The following LUC7L2 variants were observed in gnomAD, a reference collection of about 807,000 sequenced individuals.
LUC7L2 encodes the protein putative RNA-binding protein Luc7-like 2.
In LUC7L2, 25 loss-of-function variants were observed where a neutral mutation model predicts 52.8. The observed-to-expected ratio is 0.47, with a 90% confidence interval of 0.34 to 0.66. LUC7L2 has a LOEUF of 0.66. LUC7L2 is among the 30% of genes least tolerant of loss of function. The probability of loss-of-function intolerance (pLI) is 0.01; values close to 1 mark genes in which losing one functional copy is unlikely to be tolerated. For synonymous variants in LUC7L2, 144 were observed against 160.9 expected, an observed-to-expected ratio of 0.89 and a Z score of 0.80; for missense variants, 328 against 497.8, an observed-to-expected ratio of 0.66 and a Z score of 3.25.
intron 1 of LUC7L2, chr7:139,345,685 G>A: frequency 6.2e-7 from 1 of 1,614,136 alleles, no homozygotes; most frequent in Non-Finnish European, 8.5e-7. Flanking sequence ...CAGCCTGGAG[G>A]GAAGGGCTGG....
chr7:139,395,443 T>C (rs1301954882), intron 2 of LUC7L2, among the ~76,000 whole-genome samples: 1 of 152,168 alleles, frequency 6.6e-6, no homozygotes, highest in African/African-American at 2.4e-5. Context: ...GGGGTAAGGA[T>C]TGGAGCCTGG....
Position 139,376,171 on chromosome 7 carries a change from A to G in LUC7L2, c.156+15A>G, listed in dbSNP as rs1800698334. On this transcript the variant is annotated intron_variant, in intron 2 of 9. Coordinates refer to ENST00000354926, the MANE Select transcript of LUC7L2 (RefSeq NM_016019.5). ...TTTCTGGAACTGTATGTATTTACTA[A>G]ATGTATTGTTAGATTACTGATATGC... is the stretch of plus-strand genomic sequence containing the variant. The G allele has an allele frequency of 5.0e-6, 8 of 1,612,810 alleles. No homozygotes were observed. The East Asian group carries it at 1.8e-4, about 36-fold the overall frequency.
intron 2 of LUC7L2, among the ~76,000 whole-genome samples, chr7:139,382,701 T>TC (rs1345386909): frequency 2.0e-5 from 3 of 152,162 alleles, no homozygotes; most frequent in South Asian, 2.1e-4. Flanking sequence ...CCTAAAGTAA[T>TC]TAAAGTAAAA....
Position 139,422,544 on chromosome 7 carries a change from A to G in LUC7L2, c.*204A>G. On this transcript the variant is annotated 3_prime_UTR_variant, in exon 10 of 10. Transcript: ENST00000354926. ...CATCCATAGTTTCTGGTGAACCTGT[A>G]ATACAGTTCTGAAAGTACAGTTTTA... is the stretch of plus-strand genomic sequence containing the variant. 1 of 1,091,820 alleles carries G rather than the reference A, an allele frequency of 9.2e-7. No individual in the cohort carries two copies. The highest frequency in any genetic ancestry group is 1.2e-6 in the Non-Finnish European group (1 of 842,934). The allele number at this position is 1,091,820 out of a possible 1,614,324, so 67.6% of individuals were successfully genotyped here.
chr7:139,413,801 A>C (rs925649565), intron 8 of LUC7L2, among the ~76,000 whole-genome samples: 1 of 152,156 alleles, frequency 6.6e-6, no homozygotes, highest in Admixed American at 6.5e-5. Flanking sequence ...AAAACCTTAC[A>C]GTTCTGTTAG....
intron 5 of LUC7L2, 125 bp downstream of exon 5, chr7:139,405,912 C>A (rs1048769044): frequency 8.7e-5 from 116 of 1,340,996 alleles, no homozygotes; most frequent in Non-Finnish European, 1.1e-4. Flanking sequence ...AATTATTGAA[C>A]AGTTGTTAAA....
chr7:139,359,984 G>A lies in LUC7L2; in HGVS notation c.-278G>A. ...GCGGGTGGCGGTGTTGAAGGCGAGA[G>A]CTTGCTTGGCCCGTGTCGCTTCTGT... is the stretch of plus-strand genomic sequence containing the variant. On this transcript the variant is annotated 5_prime_UTR_variant, in exon 1 of 10. Coordinates refer to ENST00000354926, the MANE Select transcript of LUC7L2 (RefSeq NM_016019.5). The A allele has an allele frequency of 2.3e-6, 1 of 432,264 alleles. No individual in the cohort carries two copies. The allele number at this position is 432,264 out of a possible 1,614,324, so 26.8% of individuals were successfully genotyped here. A position where few individuals can be genotyped will look rare whatever the true frequency, so the allele number is the denominator to read the frequency against.
At chr7:139,386,233 C>G (rs1794185172) in intron 2 of LUC7L2, among the ~76,000 whole-genome samples, 1 of 151,882 alleles carries the variant, frequency 6.6e-6, no homozygotes, top group Non-Finnish European at 1.5e-5. Context: ...AACTCCTGGC[C>G]TCACGTAATC....
chr7:139,341,820 A>G (rs991192469), intron 1 of LUC7L2, among the ~76,000 whole-genome samples: 3 of 152,194 alleles, frequency 2.0e-5, no homozygotes, highest in Non-Finnish European at 4.4e-5. Flanking sequence ...TGCGGAGGGC[A>G]GTCAGGAAAG....
At chr7:139,344,564 C>A (rs1289480917) in intron 1 of LUC7L2, among the ~76,000 whole-genome samples, 1 of 151,854 alleles carries the variant, frequency 6.6e-6, no homozygotes, top group East Asian at 1.9e-4. Context: ...GATGCAGAAC[C>A]CATGGATATG....
chr7:139,378,963 AT>A (rs1800850991), intron 2 of LUC7L2, among the ~76,000 whole-genome samples: 1 of 152,160 alleles, frequency 6.6e-6, no homozygotes, highest in South Asian at 2.1e-4. Flanking sequence ...TTAACTGTTG[AT>A]TTTATGATGC....
intron 5 of LUC7L2, 55 bp downstream of exon 5, chr7:139,405,842 A>C: frequency 6.6e-7 from 1 of 1,524,978 alleles, no homozygotes; most frequent in Non-Finnish European, 8.8e-7. Flanking sequence ...GACTACAAAT[A>C]AAAAGTAGTA....
At chr7:139,412,286 G>T (rs914971682) in intron 7 of LUC7L2, among the ~76,000 whole-genome samples, 2 of 151,388 alleles carry the variant, frequency 1.3e-5, no homozygotes, top group Admixed American at 1.3e-4. Context: ...GCGTTTCGGA[G>T]AAGGAGTACT....
intron 1 of LUC7L2, among the ~76,000 whole-genome samples, chr7:139,351,226 A>C (rs1298629854): frequency 1.3e-5 from 2 of 151,876 alleles, no homozygotes; most frequent in African/African-American, 4.8e-5. Flanking sequence ...CACTTAGATA[A>C]CTCAGTTATC....
Position 139,412,596 on chromosome 7 carries a change from A to T in LUC7L2, c.809+16A>T. 1.9e-6 allele frequency: 3 copies of T among 1,602,276 alleles called. No individual in the cohort carries two copies. The highest frequency in any genetic ancestry group is 2.6e-6 in the Non-Finnish European group (3 of 1,176,108). ...ATCCAAAAAGGTAGGTGTATTACAT[A>T]AGACAGGTATAAGTAGTGAAGTTGT... On this transcript the variant is annotated intron_variant, in intron 8 of 9. Transcript: ENST00000354926.
intron 8 of LUC7L2, chr7:139,416,718 A>C (rs1795639525): frequency 6.6e-6 from 1 of 152,132 alleles, no homozygotes; most frequent in South Asian, 2.1e-4. Context: ...TTTTGATTAC[A>C]CTGTGACTAG....
chr7:139,391,364 A>T (rs530698796), intron 2 of LUC7L2, among the ~76,000 whole-genome samples: 3 of 152,348 alleles, frequency 2.0e-5, no homozygotes, highest in African/African-American at 7.2e-5. Flanking sequence ...GTTCAAACAC[A>T]TAACAAAGCA....
chr7:139,423,142 G>C lies in LUC7L2; in HGVS notation c.*802G>C, dbSNP rs976460022. 4.8e-5 allele frequency: 19 copies of C among 398,846 alleles called. No individual in the cohort carries two copies. The highest frequency in any genetic ancestry group is 7.1e-5 in the Non-Finnish European group (16 of 226,040). 24.7% of individuals were successfully genotyped at this position (398,846 alleles called of 1,614,324 possible). ...AAAAAATAATAATAATAAAATGAAA[G>C]AAACAATCACCACCACCATTATTAA... On this transcript the variant is annotated 3_prime_UTR_variant, in exon 10 of 10. Transcript: ENST00000354926.
At chr7:139,383,994 C>T (rs765465817) in intron 2 of LUC7L2, among the ~76,000 whole-genome samples, 10 of 121,388 alleles carry the variant, frequency 8.2e-5, no homozygotes, top group Non-Finnish European at 1.5e-4. Flanking sequence ...AAGTGACCCA[C>T]CCACCTTGGC....
Sources: allele counts gnomAD v4.1 joint callset (sites outside exome capture counted in the v4.1 genomes callset), GRCh38; gene constraint gnomAD v4.1.1; transcripts MANE v1.5; gene names NCBI Gene and HGNC (gene_info 2026-07-23, HGNC 2026-07-21).